TTC7B: variants seen among roughly 807,000 people sequenced by gnomAD.
TTC7B encodes tetratricopeptide repeat domain 7B, also known as tetratricopeptide repeat protein 7B.
In TTC7B, 28 loss-of-function variants were observed where a neutral mutation model predicts 106.8. The ratio of observed to expected loss-of-function variants is 0.26; its 90% CI spans 0.19 to 0.36. The LOEUF (loss-of-function observed/expected upper bound fraction) is 0.36. Ranked by LOEUF, TTC7B falls within the 10% of genes least tolerant of loss-of-function variation. TTC7B has a pLI of 1.00. For missense variants in TTC7B, 862 were observed against 1,076.4 expected, an observed-to-expected ratio of 0.80 and a Z score of 2.79; for synonymous variants, 405 against 430.6, an observed-to-expected ratio of 0.94 and a Z score of 0.74.
chr14:90,744,399 C>T (rs1487267163), intron 4 of TTC7B, among the ~76,000 whole-genome samples: 1 of 152,088 alleles, frequency 6.6e-6, no homozygotes, highest in Non-Finnish European at 1.5e-5. Flanking sequence ...CTGCAACCTC[C>T]ATCTCCTGGG....
At chr14:90,607,685 A>G (rs1892702892) in intron 17 of TTC7B, among the ~76,000 whole-genome samples, 1 of 152,210 alleles carries the variant, frequency 6.6e-6, no homozygotes, top group African/African-American at 2.4e-5. Flanking sequence ...TGCTGGATGG[A>G]TAAGAATCCA....
chr14:90,794,836 A>ATATCTCTGGATATTCTGG (rs1891719847), intron 1 of TTC7B, among the ~76,000 whole-genome samples: 1 of 152,206 alleles, frequency 6.6e-6, no homozygotes, highest in African/African-American at 2.4e-5. Flanking sequence ...AGATATTAAA[A>ATATCTCTGGATATTCTGG]ACATCAAGAG....
intron 15 of TTC7B, among the ~76,000 whole-genome samples, chr14:90,619,255 A>G (rs1054463590): frequency 1.3e-5 from 2 of 152,184 alleles, no homozygotes; most frequent in African/African-American, 4.8e-5. Context: ...TGTCTGTAAT[A>G]ATAAGTCAAA....
At chr14:90,708,544 G>T (rs144425885) in intron 5 of TTC7B, among the ~76,000 whole-genome samples, 1 of 152,300 alleles carries the variant, frequency 6.6e-6, no homozygotes, top group South Asian at 2.1e-4. Context: ...TTACAGCATG[G>T]TTCACTGAAT....
chr14:90,730,932 A>G (rs1312393835), intron 4 of TTC7B, among the ~76,000 whole-genome samples: 1 of 152,154 alleles, frequency 6.6e-6, no homozygotes, highest in South Asian at 2.1e-4. Flanking sequence ...GGTATACTGA[A>G]GTGTAAACAT....
chr14:90,607,599 C>CA (rs1892698075), intron 17 of TTC7B, among the ~76,000 whole-genome samples: 1 of 152,154 alleles, frequency 6.6e-6, no homozygotes, highest in African/African-American at 2.4e-5. Flanking sequence ...AGCGGATGTT[C>CA]AAAGTCAGCC....
intron 1 of TTC7B, among the ~76,000 whole-genome samples, chr14:90,810,956 A>G (rs2030868383): frequency 6.6e-6 from 1 of 152,168 alleles, no homozygotes; most frequent in Admixed American, 6.5e-5. Flanking sequence ...AGTCGGGGGA[A>G]TGAAGGCAGT....
At position 90,815,427 on chromosome 14, in the gene TTC7B, T is replaced by C. The variant is rs2031116353; in HGVS notation, c.121+748A>G. Among the ~76,000 whole-genome samples, 4 of 152,116 alleles carry C rather than the reference T, an allele frequency of 2.6e-5. 1 individual carries two copies. The highest frequency in any genetic ancestry group is 2.6e-4 in the Admixed American group (4 of 15,294). ...TCAGAGGCTGCCTCAGACCCCCTTCTGGCCCAGGCACCAACCCCTCACCCA... is the reference window on the plus strand; with the variant it reads ...TCAGAGGCTGCCTCAGACCCCCTTCCGGCCCAGGCACCAACCCCTCACCCA... On this transcript the variant is annotated intron_variant, in intron 1 of 19. Coordinates refer to ENST00000328459, the MANE Select transcript of TTC7B (RefSeq NM_001010854.2).
chr14:90,787,644 G>C (rs1300868450), intron 1 of TTC7B, among the ~76,000 whole-genome samples: 2 of 152,166 alleles, frequency 1.3e-5, no homozygotes, highest in Non-Finnish European at 2.9e-5. Flanking sequence ...TGGGTGGTAA[G>C]TCCACCAAAG....
At chr14:90,602,857 T>C (rs1566792833) in intron 17 of TTC7B, among the ~76,000 whole-genome samples, 1 of 152,160 alleles carries the variant, frequency 6.6e-6, no homozygotes, top group East Asian at 1.9e-4. Context: ...TTGGATTAAT[T>C]ACAAAAATTT....
rs978222827 is a variant in TTC7B, at chr14:90,525,214, T to C, written c.*16154A>G. 6 of 152,244 alleles carry C rather than the reference T, an allele frequency of 3.9e-5. No individual in the cohort carries two copies. Among genetic ancestry groups the C allele is most frequent in the Admixed American group, 2.6e-4 (4 of 15,282 alleles). 9.4% of individuals were successfully genotyped at this position (152,244 alleles called of 1,614,324 possible). On this transcript the variant is annotated 3_prime_UTR_variant, in exon 20 of 20. Transcript: ENST00000328459. ...ATGGAATCACACAGCACGTTCTTTT[T>C]TGACTGGCTCCTTCAACTCGTCACC... is the stretch of plus-strand genomic sequence containing the variant.
intron 19 of TTC7B, among the ~76,000 whole-genome samples, chr14:90,552,277 T>C (rs929011788): frequency 6.6e-6 from 1 of 152,214 alleles, no homozygotes; most frequent in African/African-American, 2.4e-5. Flanking sequence ...TGAAGGACCT[T>C]CTGGGCACCA....
chr14:90,582,353 T>C (rs547285868), intron 18 of TTC7B, among the ~76,000 whole-genome samples: 34 of 152,358 alleles, frequency 2.2e-4, no homozygotes, highest in African/African-American at 7.7e-4. Flanking sequence ...TCACCTTCTC[T>C]GGGCCTGTCC....
intron 19 of TTC7B, among the ~76,000 whole-genome samples, chr14:90,555,000 A>G (rs1890242883): frequency 6.6e-6 from 1 of 152,084 alleles, no homozygotes; most frequent in Non-Finnish European, 1.5e-5. Flanking sequence ...GTGACAGGGT[A>G]CCTCACTCCA....
In TTC7B at chr14:90,540,702, TC is replaced by T. The variant is rs1405635555; in HGVS notation, c.*665del. The T allele has an allele frequency of 6.5e-6, 1 of 153,790 alleles. No homozygotes were observed. The highest frequency in any genetic ancestry group is 1.5e-5 in the Non-Finnish European group (1 of 68,046). The allele number at this position is 153,790 out of a possible 1,614,324, so 9.5% of individuals were successfully genotyped here. ...TGAAGCTTCTTTGTACATATTTCCC[TC>T]GATAAATAAACTCTGAATTCACATA... On this transcript the variant is annotated 3_prime_UTR_variant, in exon 20 of 20. Transcript: ENST00000328459.
intron 13 of TTC7B, among the ~76,000 whole-genome samples, chr14:90,650,780 T>A (rs1202679537): frequency 6.6e-6 from 1 of 152,266 alleles, no homozygotes; most frequent in Non-Finnish European, 1.5e-5. Context: ...AACAATATTA[T>A]GTTCTTCTTC....
At chr14:90,653,219 C>T (rs1442821755) in intron 12 of TTC7B, among the ~76,000 whole-genome samples, 1 of 152,098 alleles carries the variant, frequency 6.6e-6, no homozygotes, top group Non-Finnish European at 1.5e-5. Flanking sequence ...GCACGACTGC[C>T]CTCTCAAGTG....
Position 90,798,736 on chromosome 14 carries a change from G to A in TTC7B, c.122-12408C>T, listed in dbSNP as rs892994754. On this transcript the variant is annotated intron_variant, in intron 1 of 19. Transcript: ENST00000328459. ...AAAAAAAAAAAAAAAAAAAAAACAC[G>A]CAATAACATGTTTTCTTATAAATGT... is the stretch of plus-strand genomic sequence containing the variant. 1.9e-4 allele frequency among the ~76,000 whole-genome samples: 16 copies of A among 85,810 alleles called. No individual in the cohort carries two copies. The East Asian group carries it at 2.7e-3, about 14-fold the overall frequency. 56.3% of individuals were successfully genotyped at this position (85,810 alleles called of 152,430 possible).
At chr14:90,650,318 C>T (rs1455054140) in intron 13 of TTC7B, among the ~76,000 whole-genome samples, 3 of 152,282 alleles carry the variant, frequency 2.0e-5, no homozygotes, top group South Asian at 4.1e-4. Context: ...CCATGGGATT[C>T]GTGCATTAAG....
Sources: allele counts gnomAD v4.1 joint callset (sites outside exome capture counted in the v4.1 genomes callset), GRCh38; gene constraint gnomAD v4.1.1; transcripts MANE v1.5; gene names NCBI Gene and HGNC (gene_info 2026-07-23, HGNC 2026-07-21).